AFF2: variants seen among roughly 807,000 people sequenced by gnomAD.
AFF2 encodes ALF transcription elongation factor 2.
In AFF2, 14 loss-of-function variants were observed where a neutral mutation model predicts 76.9. The observed-to-expected ratio is 0.18, with a 90% CI of 0.12 to 0.28. AFF2 has a LOEUF of 0.28. AFF2 is among the 10% of genes least tolerant of loss of function. AFF2 has a pLI of 1.00. For synonymous variants in AFF2, 398 were observed against 366.7 expected (o/e 1.09, Z -0.98); for missense variants, 868 against 1,001.1 (o/e 0.87, Z 1.79).
intron 8 of AFF2, among the ~76,000 whole-genome samples, chrX:148,901,218 G>A (rs2071350868): frequency 9.0e-6 from 1 of 111,592 alleles, no homozygotes; most frequent in Non-Finnish European, 1.9e-5. Flanking sequence ...TTCTGGCACA[G>A]CACTCTCTCC....
At chrX:148,640,808 C>T (rs1219702073) in intron 1 of AFF2, among the ~76,000 whole-genome samples, 1 of 112,279 alleles carries the variant, frequency 8.9e-6, no homozygotes, top group Non-Finnish European at 1.9e-5. Context: ...CAGTTTCCAG[C>T]TTCCCCAAGG....
At chrX:148,978,297 TC>T (rs1410117827) in intron 17 of AFF2, 64 bp from the exon 18 acceptor site, 1 of 792,284 alleles carries the variant, frequency 1.3e-6, no homozygotes. Flanking sequence ...TCAGCAGTCT[TC>T]TTAACAGTTT....
At chrX:148,704,918 C>T (rs371569425) in intron 3 of AFF2, among the ~76,000 whole-genome samples, 70 of 110,579 alleles carry the variant, frequency 6.3e-4, no homozygotes, top group African/African-American at 2.1e-3. Context: ...CCTCCCACCT[C>T]GGCCTCCCAA....
At position 148,656,857 on chromosome X, in the gene AFF2, A is replaced by G. The variant is rs782564034; in HGVS notation, c.180+4726A>G. 5.4e-5 allele frequency among the ~76,000 whole-genome samples: 6 copies of G among 111,268 alleles called. No homozygotes were observed. In the East Asian group the frequency reaches 1.4e-3, roughly 26 times the overall value. On this transcript the variant is annotated intron_variant, in intron 2 of 20. Transcript: ENST00000370460. ...TCTTTGCATTTTCATATCCTTATAC[A>G]TGGCGAATTTAGACCTTGCATCCAG...
At chrX:148,749,946 C>G (rs2055476133) in intron 3 of AFF2, among the ~76,000 whole-genome samples, 1 of 84,213 alleles carries the variant, frequency 1.2e-5, no homozygotes, top group African/African-American at 4.8e-5. Flanking sequence ...GGGCCTGCAC[C>G]CTTTATTTAT....
chrX:148,581,334 GTATACGTATACGTGTACACACA>G (rs2053389633), intron 1 of AFF2, among the ~76,000 whole-genome samples: 4 of 202 alleles, frequency 0.02, no homozygotes, highest in African/African-American at 0.024. Context: ...ACATATATAC[GTATACGTATACGTGTACACACA>G]TATATACGTA....
In AFF2 at chrX:148,999,744, G is replaced by T. The variant is rs2072654423; in HGVS notation, c.*8412G>T. The T allele has an allele frequency of 8.9e-6, 1 of 112,717 alleles. No homozygotes were observed. Among genetic ancestry groups the T allele is most frequent in the Admixed American group, 9.3e-5 (1 of 10,713 alleles). 9.3% of individuals were successfully genotyped at this position (112,717 alleles called of 1,213,427 possible). A position where few individuals can be genotyped will look rare whatever the true frequency, so the allele number is the denominator to read the frequency against. ...CTGGTTACATTACTATATGAAGGCAGTGATTTGAAATGAAAATTCCTTTCC... is the reference window on the plus strand; with the variant it reads ...CTGGTTACATTACTATATGAAGGCATTGATTTGAAATGAAAATTCCTTTCC... On this transcript the variant is annotated 3_prime_UTR_variant, in exon 21 of 21. Transcript: ENST00000370460.
intron 9 of AFF2, among the ~76,000 whole-genome samples, chrX:148,941,334 T>C (rs2071831622): frequency 9.0e-6 from 1 of 111,689 alleles, no homozygotes; most frequent in African/African-American, 3.3e-5. Flanking sequence ...TGACTGAATA[T>C]TTTTTCTTCT....
At chrX:148,639,753 GT>G (rs2054068963) in intron 1 of AFF2, among the ~76,000 whole-genome samples, 1 of 112,022 alleles carries the variant, frequency 8.9e-6, no homozygotes, top group South Asian at 3.7e-4. Context: ...CTCAAATTGA[GT>G]CCAAAAGAAA....
At chrX:148,974,513 A>G (rs2072297722) in intron 16 of AFF2, among the ~76,000 whole-genome samples, 1 of 112,117 alleles carries the variant, frequency 8.9e-6, no homozygotes, top group African/African-American at 3.2e-5. Context: ...TCTTGCTTGT[A>G]CCTGCATTAA....
intron 3 of AFF2, among the ~76,000 whole-genome samples, chrX:148,716,406 C>T (rs1381003388): frequency 8.9e-6 from 1 of 111,827 alleles, no homozygotes; most frequent in Admixed American, 9.5e-5. Flanking sequence ...CAAATGTCTT[C>T]TGATAGAAGA....
At chrX:148,816,643 T>C (rs1366656396) in intron 4 of AFF2, among the ~76,000 whole-genome samples, 1 of 110,760 alleles carries the variant, frequency 9.0e-6, no homozygotes, top group East Asian at 2.8e-4. Flanking sequence ...TCTCGAGAAG[T>C]AGGGAAGGCA....
intron 10 of AFF2, among the ~76,000 whole-genome samples, chrX:148,954,857 G>A (rs943507864): frequency 4.5e-5 from 5 of 111,914 alleles, no homozygotes; most frequent in Middle Eastern, 4.6e-3. Flanking sequence ...GGTACCATAA[G>A]CCTCAGCTGA....
chrX:148,848,921 G>C (rs1455579179), intron 7 of AFF2, among the ~76,000 whole-genome samples: 4 of 111,701 alleles, frequency 3.6e-5, no homozygotes, highest in Non-Finnish European at 7.5e-5. Flanking sequence ...ATCAGGGGCA[G>C]CCACCTGGGA....
chrX:148,796,926 G>GA (rs2069991329), intron 3 of AFF2, among the ~76,000 whole-genome samples: 2 of 309 alleles, frequency 6.5e-3, no homozygotes, highest in Admixed American at 0.083. Flanking sequence ...TTGGCCTTGG[G>GA]GCAACAGGTT....
intron 3 of AFF2, among the ~76,000 whole-genome samples, chrX:148,791,208 A>T (rs1302227560): frequency 8.9e-6 from 1 of 112,174 alleles, no homozygotes; most frequent in African/African-American, 3.2e-5. Context: ...CAAACTGGGT[A>T]ATTTATAAAG....
At chrX:148,581,142 CACAT>C (rs1557244585) in intron 1 of AFF2, among the ~76,000 whole-genome samples, 1 of 81,546 alleles carries the variant, frequency 1.2e-5, no homozygotes, top group Non-Finnish European at 2.6e-5. Flanking sequence ...TACGTATACA[CACAT>C]ATACATATAC....
intron 7 of AFF2, among the ~76,000 whole-genome samples, chrX:148,863,879 G>A (rs1424961922): frequency 1.8e-5 from 2 of 111,756 alleles, no homozygotes; most frequent in Non-Finnish European, 3.8e-5. Flanking sequence ...TTAGAAGTCA[G>A]AAGATTCTTA....
intron 20 of AFF2, among the ~76,000 whole-genome samples, chrX:148,989,993 A>C: frequency 8.9e-6 from 1 of 112,131 alleles, no homozygotes; most frequent in Non-Finnish European, 1.9e-5. Context: ...GGCTCATATG[A>C]GGCTCACATT....
Sources: allele counts gnomAD v4.1 joint callset (sites outside exome capture counted in the v4.1 genomes callset), GRCh38; gene constraint gnomAD v4.1.1; transcripts MANE v1.5; gene names NCBI Gene and HGNC (gene_info 2026-07-23, HGNC 2026-07-21).